The following DLGAP1 variants were observed in gnomAD, a reference collection of about 807,000 sequenced individuals.
DLGAP1 encodes the protein DLG associated protein 1, also known as disks large-associated protein 1.
Under a neutral mutation model 90.8 loss-of-function variants are expected in DLGAP1, and 11 were observed. The observed-to-expected ratio is 0.12, with a 90% CI of 0.08 to 0.20. The LOEUF is 0.20. Ranked by LOEUF, DLGAP1 falls within the 10% of genes least tolerant of loss-of-function variation. The pLI is 1.00. For synonymous variants in DLGAP1, 558 were observed against 540.7 expected, an observed-to-expected ratio of 1.03 and a Z score of -0.44; for missense variants, 1,050 against 1,333.8, an observed-to-expected ratio of 0.79 and a Z score of 3.31.
At chr18:4,343,959 G>A (rs1051924714) in intron 1 of DLGAP1, among the ~76,000 whole-genome samples, 1 of 152,162 alleles carries the variant, frequency 6.6e-6, no homozygotes, top group Non-Finnish European at 1.5e-5. Flanking sequence ...TTGTGCTTAA[G>A]CTAAATAAAC....
intron 5 of DLGAP1, among the ~76,000 whole-genome samples, chr18:3,804,834 T>C (rs80001881): frequency 1.2e-3 from 178 of 152,264 alleles, no homozygotes; most frequent in African/African-American, 4.0e-3. Context: ...CAGATAGCAT[T>C]GAATCTCTTC....
At chr18:3,741,710 C>A (rs2063054876) in intron 6 of DLGAP1, among the ~76,000 whole-genome samples, 1 of 152,226 alleles carries the variant, frequency 6.6e-6, no homozygotes, top group African/African-American at 2.4e-5. Flanking sequence ...ACAGTGTCTT[C>A]CAAACTAGCC....
intron 9 of DLGAP1, among the ~76,000 whole-genome samples, chr18:3,548,535 G>A (rs1274714830): frequency 6.6e-6 from 1 of 151,810 alleles, no homozygotes; most frequent in African/African-American, 2.4e-5. Flanking sequence ...AGACTGAGGG[G>A]GGTGTGGATT....
intron 1 of DLGAP1, among the ~76,000 whole-genome samples, chr18:4,196,937 C>T (rs1972146): frequency 0.56 from 84,926 of 151,406 alleles, 24,297 homozygotes; most frequent in Non-Finnish European, 0.63. Context: ...CTTTGGGAGG[C>T]CGAGGTGGGT....
intron 9 of DLGAP1, among the ~76,000 whole-genome samples, chr18:3,557,680 C>A (rs1388754146): frequency 6.6e-6 from 1 of 152,062 alleles, no homozygotes; most frequent in African/African-American, 2.4e-5. Flanking sequence ...TCTACTGTGG[C>A]CTGAGAGCAG....
chr18:4,089,059 T>C (rs2075729462), intron 2 of DLGAP1, among the ~76,000 whole-genome samples: 1 of 152,180 alleles, frequency 6.6e-6, no homozygotes, highest in African/African-American at 2.4e-5. Flanking sequence ...AACCCCATCA[T>C]CTCAGCCCTA....
At chr18:4,226,251 A>G (rs1173659586) in intron 1 of DLGAP1, among the ~76,000 whole-genome samples, 1 of 152,148 alleles carries the variant, frequency 6.6e-6, no homozygotes. Context: ...ACCAACAGAA[A>G]AGCTGAAATA....
chr18:3,798,711 C>G (rs1465064322), intron 5 of DLGAP1, among the ~76,000 whole-genome samples: 1 of 152,110 alleles, frequency 6.6e-6, no homozygotes, highest in Non-Finnish European at 1.5e-5. Context: ...ACAGGAGATG[C>G]TAAGTATATG....
At chr18:3,746,575 G>T (rs1283083224) in intron 5 of DLGAP1, among the ~76,000 whole-genome samples, 2 of 151,742 alleles carry the variant, frequency 1.3e-5, no homozygotes, top group Non-Finnish European at 2.9e-5. Flanking sequence ...CAGCAAAAAG[G>T]GTTCACATGC....
intron 5 of DLGAP1, among the ~76,000 whole-genome samples, chr18:3,746,264 T>C (rs1471878289): frequency 1.3e-5 from 2 of 152,144 alleles, no homozygotes; most frequent in African/African-American, 2.4e-5. Flanking sequence ...CAATACAATA[T>C]AGATTATATT....
chr18:3,740,227 C>A (rs374406369), intron 6 of DLGAP1, among the ~76,000 whole-genome samples: 1 of 152,074 alleles, frequency 6.6e-6, no homozygotes, highest in African/African-American at 2.4e-5. Context: ...GACCTTTAGG[C>A]CATGCAGAAT....
intron 7 of DLGAP1, among the ~76,000 whole-genome samples, chr18:3,616,782 GA>G (rs376616851): frequency 1.8e-4 from 27 of 148,120 alleles, no homozygotes; most frequent in African/African-American, 5.2e-4. Context: ...AAACAAACTG[GA>G]AAAAAAAAAG....
intron 7 of DLGAP1, among the ~76,000 whole-genome samples, chr18:3,657,762 C>T (rs557671854): frequency 6.6e-6 from 1 of 152,162 alleles, no homozygotes; most frequent in East Asian, 1.9e-4. Flanking sequence ...GCCACCGCAC[C>T]CGGCTAATTT....
At chr18:4,020,764 A>G (rs1198174192) in intron 2 of DLGAP1, among the ~76,000 whole-genome samples, 3 of 152,348 alleles carry the variant, frequency 2.0e-5, no homozygotes, top group African/African-American at 4.8e-5. Context: ...CGGCCTTTGT[A>G]GGACTAAGAA....
intron 2 of DLGAP1, among the ~76,000 whole-genome samples, chr18:4,014,552 G>A (rs2074487798): frequency 6.6e-6 from 1 of 152,122 alleles, no homozygotes. Flanking sequence ...GCAAAGAACT[G>A]TAATGTCCCC....
intron 6 of DLGAP1, 75 bp downstream of exon 6, chr18:3,742,260 C>A: frequency 6.5e-7 from 1 of 1,543,958 alleles, no homozygotes. Context: ...GCCTCCCCAC[C>A]TCATGCCCTC....
chr18:4,331,446 T>TAA (rs1282808696), intron 1 of DLGAP1, among the ~76,000 whole-genome samples: 1 of 151,778 alleles, frequency 6.6e-6, no homozygotes, highest in Non-Finnish European at 1.5e-5. Context: ...AGTACAAACC[T>TAA]AAAAGAGGTC....
chr18:3,892,185 G>C (rs1053031402), intron 3 of DLGAP1, among the ~76,000 whole-genome samples: 1 of 149,150 alleles, frequency 6.7e-6, no homozygotes, highest in Admixed American at 6.7e-5. Flanking sequence ...ATACTGCTAA[G>C]AGTATTATTT....
intron 1 of DLGAP1, among the ~76,000 whole-genome samples, chr18:4,348,209 A>G (rs2081335551): frequency 6.6e-6 from 1 of 152,138 alleles, no homozygotes; most frequent in East Asian, 1.9e-4. Flanking sequence ...CATTGTGTGT[A>G]TATGAAGATT....
Sources: allele counts gnomAD v4.1 joint callset (sites outside exome capture counted in the v4.1 genomes callset), GRCh38; gene constraint gnomAD v4.1.1; transcripts MANE v1.5; gene names NCBI Gene and HGNC (gene_info 2026-07-23, HGNC 2026-07-21).